The following PCDHA4 variants were observed in gnomAD, a reference collection of about 807,000 sequenced individuals.
PCDHA4 encodes protocadherin alpha-4.
Under a neutral mutation model 61.4 loss-of-function variants are expected in PCDHA4, and 49 were observed. The ratio of observed to expected loss-of-function variants is 0.80; its 90% CI spans 0.63 to 1.01. The LOEUF (loss-of-function observed/expected upper bound fraction) is 1.01. PCDHA4 is among the 50% of genes least tolerant of loss of function. The pLI is 0.00. For synonymous variants in PCDHA4, 590 were observed against 550.3 expected (o/e 1.07, Z -1.01); for missense variants, 1,254 against 1,235.8 (o/e 1.01, Z -0.22).
intron 1 of PCDHA4, among the ~76,000 whole-genome samples, chr5:140,912,042 A>G (rs782622902): frequency 6.6e-6 from 1 of 152,216 alleles, no homozygotes; most frequent in African/African-American, 2.4e-5. Flanking sequence ...CCAAGTCCCA[A>G]AGCTGAAGAA....
At chr5:140,970,693 G>C (rs2096425356) in intron 1 of PCDHA4, among the ~76,000 whole-genome samples, 1 of 152,134 alleles carries the variant, frequency 6.6e-6, no homozygotes, top group South Asian at 2.1e-4. Flanking sequence ...AGGGCTTTTA[G>C]AGCTACTACA....
intron 1 of PCDHA4, among the ~76,000 whole-genome samples, chr5:140,833,361 T>G (rs1376018154): frequency 1.3e-5 from 2 of 152,142 alleles, no homozygotes; most frequent in African/African-American, 2.4e-5. Flanking sequence ...ACGAACACAG[T>G]AAGGTAGATC....
At chr5:140,929,298 A>T in intron 1 of PCDHA4, 1 of 1,591,722 alleles carries the variant, frequency 6.3e-7, no homozygotes, top group South Asian at 1.1e-5. Context: ...GGAATAGGAA[A>T]GGGGATCACG....
chr5:140,809,837 G>T, intron 1 of PCDHA4: 1 of 337,106 alleles, frequency 3.0e-6, no homozygotes, highest in Non-Finnish European at 5.3e-6. Flanking sequence ...TTTGTTTTTG[G>T]TAATAATCAA....
At chr5:140,998,130 A>C (rs1226238554) in intron 3 of PCDHA4, among the ~76,000 whole-genome samples, 1 of 152,206 alleles carries the variant, frequency 6.6e-6, no homozygotes, top group Non-Finnish European at 1.5e-5. Context: ...GAATCATAAT[A>C]GCTAACCTGT....
chr5:140,935,554 GA>G (rs2090429733), intron 1 of PCDHA4, among the ~76,000 whole-genome samples: 1 of 152,134 alleles, frequency 6.6e-6, no homozygotes, highest in Non-Finnish European at 1.5e-5. Flanking sequence ...AAGTATCTTG[GA>G]AAAGTTCCTC....
At chr5:140,882,153 AAT>A in intron 1 of PCDHA4, 1 of 1,505,320 alleles carries the variant, frequency 6.6e-7, no homozygotes, top group South Asian at 1.4e-5. Context: ...CAGAAAGCGG[AAT>A]ACCTCTTGCG....
chr5:140,899,653 T>C (rs1478658505), intron 1 of PCDHA4, among the ~76,000 whole-genome samples: 1 of 152,220 alleles, frequency 6.6e-6, no homozygotes, highest in African/African-American at 2.4e-5. Context: ...TATTTGGTTG[T>C]GTCTCTGCCC....
At chr5:140,882,267 C>A in intron 1 of PCDHA4, 1 of 1,610,288 alleles carries the variant, frequency 6.2e-7, no homozygotes, top group Non-Finnish European at 8.5e-7. Context: ...TTGGAGTGTA[C>A]CATGCTGTCT....
intron 1 of PCDHA4, chr5:140,876,925 CAGA>C: frequency 6.2e-7 from 1 of 1,613,838 alleles, no homozygotes; most frequent in Non-Finnish European, 8.5e-7. Context: ...CGCGGACGCG[CAGA>C]AGAACGCGCT....
Position 140,870,153 on chromosome 5 carries a change from C to T in PCDHA4, c.2385+60581C>T, listed in dbSNP as rs537593818. 3.1e-6 allele frequency: 5 copies of T among 1,613,972 alleles called. No individual in the cohort carries two copies. The East Asian group carries it at 8.9e-5, about 29-fold the overall frequency. On this transcript the variant is annotated intron_variant, in intron 1 of 3. Transcript: ENST00000530339. ...CCAACGATAACTCTCCTGAAGTCGC[C>T]GTGACTTCCTTGTCCCTCCCAGTAC...
chr5:140,869,999 G>A, intron 1 of PCDHA4: 1 of 1,613,514 alleles, frequency 6.2e-7, no homozygotes, highest in Non-Finnish European at 8.5e-7. Context: ...CAAAATAATG[G>A]AGAAGTGAGG....
At chr5:140,859,397 A>C in intron 1 of PCDHA4, 1 of 262,266 alleles carries the variant, frequency 3.8e-6, no homozygotes, top group Non-Finnish European at 6.9e-6. Flanking sequence ...CATCTTAAAC[A>C]GGGTTGGGTT....
rs908218007 is a variant in PCDHA4 at position 140,929,518 on chromosome 5, T to C, written c.2386-49431T>C. On this transcript the variant is annotated intron_variant, in intron 1 of 3. Transcript: ENST00000530339. ...ATTGCCCTAGGCCTCAAGGGACTTA[T>C]AGTTTATTTTTGAGAAACAAGGGCA... 7 of 753,028 alleles carry C rather than the reference T, an allele frequency of 9.3e-6. No homozygotes were observed. The Admixed American group carries it at 1.2e-4, about 13-fold the overall frequency. The allele number at this position is 753,028 out of a possible 1,614,324, so 46.6% of individuals were successfully genotyped here. A position where few individuals can be genotyped will look rare whatever the true frequency, so the allele number is the denominator to read the frequency against.
chr5:140,822,086 A>G, intron 1 of PCDHA4: 2 of 1,614,198 alleles, frequency 1.2e-6, no homozygotes, highest in Non-Finnish European at 1.7e-6. Context: ...TGCAGCATCC[A>G]CCTGGAGGTG....
chr5:140,832,440 C>T (rs1771990436), intron 1 of PCDHA4, among the ~76,000 whole-genome samples: 1 of 152,038 alleles, frequency 6.6e-6, no homozygotes, highest in Non-Finnish European at 1.5e-5. Context: ...AATTTTTAAG[C>T]GTGTAATTAA....
intron 1 of PCDHA4, among the ~76,000 whole-genome samples, chr5:140,826,932 G>A (rs145132526): frequency 7.3e-4 from 111 of 152,266 alleles, no homozygotes; most frequent in African/African-American, 2.6e-3. Context: ...ATGGACTTAG[G>A]TGGATGTGGA....
At chr5:140,851,290 G>A (rs2042014989) in intron 1 of PCDHA4, 2 of 1,033,710 alleles carry the variant, frequency 1.9e-6, no homozygotes, top group Non-Finnish European at 2.4e-6. Flanking sequence ...AGAAACCCAA[G>A]CAAAAATATA....
intron 1 of PCDHA4, among the ~76,000 whole-genome samples, chr5:140,893,446 A>C (rs1305001651): frequency 6.6e-6 from 1 of 152,132 alleles, no homozygotes; most frequent in Non-Finnish European, 1.5e-5. Flanking sequence ...TGAAGCCAGG[A>C]GTTCAAGACC....
Sources: allele counts gnomAD v4.1 joint callset (sites outside exome capture counted in the v4.1 genomes callset), GRCh38; gene constraint gnomAD v4.1.1; transcripts MANE v1.5; gene names NCBI Gene and HGNC (gene_info 2026-07-23, HGNC 2026-07-21).